Variants in ELP3 observed in about 807,000 individuals in gnomAD.
The protein encoded by ELP3 is elongator acetyltransferase complex subunit 3, also known as elongator complex protein 3.
In ELP3, 56 loss-of-function variants were observed where a neutral mutation model predicts 74.9. That is an observed-to-expected ratio of 0.75 (90% CI 0.60 to 0.93). ELP3 has a LOEUF of 0.93. ELP3 is among the 40% of genes least tolerant of loss of function. The pLI is 0.00. For missense variants in ELP3, 573 were observed against 686.5 expected (o/e 0.83, Z 1.85); for synonymous variants, 222 against 239.8 (o/e 0.93, Z 0.68).
At chr8:28,179,346 G>A (rs140494364) in intron 14 of ELP3, among the ~76,000 whole-genome samples, 143 of 152,294 alleles carry the variant, frequency 9.4e-4, no homozygotes, top group African/African-American at 3.0e-3. Context: ...GGATATTTCG[G>A]TAGTTTGCAC....
chr8:28,111,704 C>A (rs577070980), intron 6 of ELP3, among the ~76,000 whole-genome samples: 1 of 152,138 alleles, frequency 6.6e-6, no homozygotes, highest in African/African-American at 2.4e-5. Context: ...AACTATTGAG[C>A]ATGAAATGCT....
intron 1 of ELP3, chr8:28,093,617 A>T: frequency 4.3e-6 from 1 of 233,016 alleles, no homozygotes; most frequent in South Asian, 7.1e-5. Context: ...ATTTTAAGAT[A>T]TTAAAAAAAC....
At chr8:28,184,155 A>T (rs1410875475) in intron 14 of ELP3, among the ~76,000 whole-genome samples, 1 of 152,166 alleles carries the variant, frequency 6.6e-6, no homozygotes, top group African/African-American at 2.4e-5. Context: ...TAGAAACAGG[A>T]GGAAATTTTT....
At chr8:28,142,024 A>C (rs926874849) in intron 10 of ELP3, among the ~76,000 whole-genome samples, 1 of 152,238 alleles carries the variant, frequency 6.6e-6, no homozygotes, top group African/African-American at 2.4e-5. Flanking sequence ...AGTCAAAAGC[A>C]GCAGAGACAT....
chr8:28,103,657 A>C (rs1409195365), intron 3 of ELP3, among the ~76,000 whole-genome samples: 2 of 152,230 alleles, frequency 1.3e-5, no homozygotes, highest in African/African-American at 4.8e-5. Flanking sequence ...TTGCATTCCC[A>C]CCAGCAGTGA....
intron 14 of ELP3, among the ~76,000 whole-genome samples, chr8:28,169,545 A>G (rs1036897951): frequency 2.0e-5 from 3 of 152,194 alleles, no homozygotes; most frequent in Non-Finnish European, 2.9e-5. Flanking sequence ...GGGCTTTTTA[A>G]TAGCACAATA....
Position 28,106,760 on chromosome 8 carries a change from C to G in ELP3, c.306C>G (p.Ile102Met). Residue 102 changes from isoleucine to methionine, a missense_variant, in exon 4 of 15, where the codon ATC becomes ATG. Coordinates refer to ENST00000256398, the MANE Select transcript of ELP3 (RefSeq NM_018091.6). Reference sequence around the variant, plus strand: ...GCAAACCCCACAGATGTCCACACATCAGTTTTACAGGAAATATATGTGTGT... The same window carrying G: ...GCAAACCCCACAGATGTCCACACATGAGTTTTACAGGAAATATATGTGTGT... Reference protein sequence around the residue: ...VMCKPHRCPHISFTGNICVYC... With the variant: ...VMCKPHRCPHMSFTGNICVYC... 3 of 1,612,538 alleles carry G rather than the reference C, an allele frequency of 1.9e-6. No homozygotes were observed. The highest frequency in any genetic ancestry group is 2.5e-6 in the Non-Finnish European group (3 of 1,179,552).
chr8:28,117,491 T>C (rs1448928885), intron 7 of ELP3, among the ~76,000 whole-genome samples: 2 of 152,144 alleles, frequency 1.3e-5, no homozygotes, highest in Non-Finnish European at 2.9e-5. Context: ...AGTGCCAGTG[T>C]TGTTTTGTTT....
chr8:28,093,012 C>A (rs1361296732), upstream of ELP3: 2 of 776,414 alleles, frequency 2.6e-6, no homozygotes, highest in Non-Finnish European at 2.2e-6. Context: ...AGCCTAGGGG[C>A]CTCACGGGCC....
At chr8:28,172,500 T>C (rs1814569541) in intron 14 of ELP3, among the ~76,000 whole-genome samples, 1 of 152,150 alleles carries the variant, frequency 6.6e-6, no homozygotes, top group South Asian at 2.1e-4. Flanking sequence ...TTTTGTATTA[T>C]GCAACTTTGC....
At chr8:28,123,602 A>G (rs1199736839) in intron 7 of ELP3, among the ~76,000 whole-genome samples, 4 of 152,214 alleles carry the variant, frequency 2.6e-5, no homozygotes, top group African/African-American at 4.8e-5. Flanking sequence ...AATTGCTAAG[A>G]GATTGAAATC....
In ELP3 at chr8:28,158,253, C is replaced by T. The variant is rs187133635; in HGVS notation, c.1192-315C>T. 8.4e-3 allele frequency among the ~76,000 whole-genome samples: 1,271 copies of T among 152,154 alleles called. 11 individuals are homozygous for T. Among genetic ancestry groups the T allele is most frequent in the Middle Eastern group, 0.014 (4 of 294 alleles). On this transcript the variant is annotated intron_variant, in intron 11 of 14. Transcript: ENST00000256398. The stretch of plus-strand genomic sequence containing the variant: ...ATCCCCTAGGCAAACCTGTTTCTTA[C>T]TTTTATGACTTACATTCTTTACTGC...
intron 7 of ELP3, among the ~76,000 whole-genome samples, chr8:28,115,567 A>T (rs1812096842): frequency 6.6e-6 from 1 of 152,176 alleles, no homozygotes; most frequent in East Asian, 1.9e-4. Flanking sequence ...GGTGTTTAAT[A>T]TTCACTTATT....
intron 14 of ELP3, among the ~76,000 whole-genome samples, chr8:28,179,078 G>A (rs34762662): frequency 0.29 from 44,566 of 152,090 alleles, 6,945 homozygotes; most frequent in East Asian, 0.57. Flanking sequence ...GTGTTTGTGG[G>A]TTGTGAAACC....
chr8:28,138,077 G>A (rs73557337), intron 10 of ELP3, among the ~76,000 whole-genome samples, 186 bp downstream of exon 10: 3,153 of 152,278 alleles, frequency 0.021, 103 homozygotes, highest in African/African-American at 0.073. Context: ...TGCCAATAAC[G>A]TATTTATTTA....
intron 10 of ELP3, among the ~76,000 whole-genome samples, chr8:28,152,428 A>G (rs1181414820): frequency 6.6e-6 from 1 of 151,772 alleles, no homozygotes; most frequent in Non-Finnish European, 1.5e-5. Context: ...TCACTTTTTT[A>G]TTGGTATGAT....
At chr8:28,100,847 A>G (rs1811451011) in intron 3 of ELP3, among the ~76,000 whole-genome samples, 3 of 152,178 alleles carry the variant, frequency 2.0e-5, no homozygotes, top group Admixed American at 2.0e-4. Flanking sequence ...TGTGAGATAC[A>G]TGCACAGAAA....
At chr8:28,183,906 G>A (rs1433407135) in intron 14 of ELP3, among the ~76,000 whole-genome samples, 2 of 152,216 alleles carry the variant, frequency 1.3e-5, no homozygotes, top group African/African-American at 4.8e-5. Context: ...GAGCAGTTAG[G>A]CTGAGGGCTC....
At chr8:28,163,232 C>CAG (rs1380068491) in intron 14 of ELP3, among the ~76,000 whole-genome samples, 2 of 152,172 alleles carry the variant, frequency 1.3e-5, no homozygotes, top group East Asian at 3.8e-4. Flanking sequence ...AAGAAGCTAA[C>CAG]AGGGTGAGAG....
Sources: gnomAD v4.1 joint callset for allele counts (sites outside exome capture counted in the v4.1 genomes callset) on GRCh38, gnomAD v4.1.1 for gene constraint, MANE v1.5 for transcripts, NCBI Gene and HGNC (gene_info 2026-07-23, HGNC 2026-07-21) for gene names.